The following SEMA3A variants were observed in gnomAD, a reference collection of about 807,000 sequenced individuals.
The protein encoded by SEMA3A is semaphorin-3A.
A neutral mutation model predicts 97.9 loss-of-function variants in SEMA3A; 29 were observed. That is an observed-to-expected ratio of 0.30 (90% CI 0.22 to 0.40). The LOEUF is 0.40. Among genes scored for constraint, SEMA3A ranks in the 10% least tolerant of loss-of-function variants. The pLI, the probability that SEMA3A is intolerant of heterozygous loss-of-function variation, is 1.00. For synonymous variants in SEMA3A, 321 were observed against 323.7 expected (o/e 0.99, Z 0.09); for missense variants, 763 against 951.3 (o/e 0.80, Z 2.60).
rs565336790 is a variant in SEMA3A, at chr7:84,239,239, C to G, written c.-82-44571G>C. On this transcript the variant is annotated intron_variant, in intron 3 of 3. Coordinates refer to the SEMA3A transcript ENST00000424555. ...AAAAAATTAATAGTTTTTTAATTAT[C>G]TACTTATTCAAAAGTTTAATTCTCA... 2.0e-5 allele frequency among the ~76,000 whole-genome samples: 3 copies of G among 152,218 alleles called. No individual in the cohort carries two copies. In the East Asian group the frequency reaches 5.8e-4, roughly 29 times the overall value.
At chr7:84,408,403 G>T (rs1804164679) in intron 1 of SEMA3A, among the ~76,000 whole-genome samples, 1 of 151,734 alleles carries the variant, frequency 6.6e-6, no homozygotes, top group African/African-American at 2.4e-5. Context: ...ACAGGTGCTG[G>T]AGAGGATGTG....
At chr7:83,980,615 A>AAACAAAC (rs1554383419) in intron 14 of SEMA3A, among the ~76,000 whole-genome samples, 1 of 82,652 alleles carries the variant, frequency 1.2e-5, no homozygotes, top group African/African-American at 5.1e-5. Flanking sequence ...AAAAAAAAAA[A>AAACAAAC]AAAAAAAAAT....
intron 11 of SEMA3A, among the ~76,000 whole-genome samples, chr7:84,003,822 G>A (rs1228674149): frequency 6.6e-6 from 1 of 150,474 alleles, no homozygotes; most frequent in East Asian, 2.0e-4. Flanking sequence ...ATGTTCTAAG[G>A]ATATTTATAA....
chr7:84,322,046 A>G (rs557113981), intron 2 of SEMA3A, among the ~76,000 whole-genome samples: 2 of 151,912 alleles, frequency 1.3e-5, no homozygotes, highest in Admixed American at 6.6e-5. Context: ...GGGTGGCAGG[A>G]TGGAGAATGA....
intron 12 of SEMA3A, among the ~76,000 whole-genome samples, chr7:83,987,897 T>A (rs1382957561): frequency 6.6e-6 from 1 of 152,220 alleles, no homozygotes; most frequent in African/African-American, 2.4e-5. Flanking sequence ...CCCTGCTCAA[T>A]CCACTGAGTC....
intron 1 of SEMA3A, among the ~76,000 whole-genome samples, chr7:84,156,638 G>A (rs1384852482): frequency 6.6e-6 from 1 of 152,078 alleles, no homozygotes; most frequent in African/African-American, 2.4e-5. Context: ...TTGTATGCAT[G>A]CGAGTCTGTA....
intron 3 of SEMA3A, among the ~76,000 whole-genome samples, chr7:84,277,019 T>G (rs11982998): frequency 0.017 from 2,651 of 152,192 alleles, 78 homozygotes; most frequent in African/African-American, 0.061. Flanking sequence ...TGGCTTTACA[T>G]GTACCTAAAT....
chr7:84,078,414 T>C (rs1794028673), intron 4 of SEMA3A, among the ~76,000 whole-genome samples: 1 of 152,138 alleles, frequency 6.6e-6, no homozygotes, highest in Non-Finnish European at 1.5e-5. Context: ...TTATATCACC[T>C]GCATGAGCAC....
chr7:84,208,406 CCTGCCACTGCAGTCCAGCCT>C (rs1798548760), intron 3 of SEMA3A, among the ~76,000 whole-genome samples: 2 of 54,540 alleles, frequency 3.7e-5, no homozygotes, highest in Non-Finnish European at 1.1e-4. Context: ...GAGCCGAGAT[CCTGCCACTGCAGTCCAGCCT>C]GGGTGACAGA....
At chr7:84,332,878 T>G (rs1801941223) in intron 2 of SEMA3A, among the ~76,000 whole-genome samples, 1 of 152,142 alleles carries the variant, frequency 6.6e-6, no homozygotes. Context: ...TACATACATA[T>G]TATCAAGGTA....
rs57372121 is a variant in SEMA3A at position 84,343,537 on chromosome 7, G to T, written c.-169+28287C>A. Among the ~76,000 whole-genome samples the T allele has an allele frequency of 0.011, 1,603 of 152,268 alleles. 45 individuals carry two copies. In the East Asian group the frequency reaches 0.11, roughly 11 times the overall value. ...CTAAAACTAAATACTGAGTGACTAT[G>T]GAATCCTACTTCAAATTCTGCCAAA... is the stretch of plus-strand genomic sequence containing the variant. On this transcript the variant is annotated intron_variant, in intron 2 of 3. Coordinates refer to the SEMA3A transcript ENST00000424555.
intron 1 of SEMA3A, among the ~76,000 whole-genome samples, chr7:84,141,291 T>A (rs1174057272): frequency 6.6e-6 from 1 of 152,098 alleles, no homozygotes; most frequent in Non-Finnish European, 1.5e-5. Flanking sequence ...TTGACTAGTC[T>A]CTCCAGCCTG....
At chr7:84,216,685 T>G (rs1255659363) in intron 3 of SEMA3A, among the ~76,000 whole-genome samples, 1 of 152,110 alleles carries the variant, frequency 6.6e-6, no homozygotes, top group Non-Finnish European at 1.5e-5. Context: ...CATGGGAGTC[T>G]CTGGCTTTGT....
rs376148779 is a variant in SEMA3A at position 83,980,639 on chromosome 7, T to TATACAC, written c.1652+681_1652+682insGTGTAT. On this transcript the variant is annotated intron_variant, in intron 14 of 16. Transcript: ENST00000265362. ...AAAAAAAAAAATATATATATATATA[T>TATACAC]ACACACACACACACATATACATATA... Among the ~76,000 whole-genome samples the TATACAC allele has an allele frequency of 1.5e-3, 129 of 88,420 alleles. 2 individuals are homozygous for TATACAC. Among genetic ancestry groups the TATACAC allele is most frequent in the South Asian group, 2.6e-3 (7 of 2,734 alleles). 58.0% of individuals were successfully genotyped at this position (88,420 alleles called of 152,430 possible).
intron 1 of SEMA3A, among the ~76,000 whole-genome samples, chr7:84,436,798 T>C (rs1263368633): frequency 1.3e-5 from 2 of 152,168 alleles, no homozygotes; most frequent in Non-Finnish European, 2.9e-5. Flanking sequence ...GTGCAAAAAG[T>C]AAATACATTT....
intron 4 of SEMA3A, among the ~76,000 whole-genome samples, chr7:84,100,540 C>T (rs1198771961): frequency 2.6e-5 from 4 of 152,010 alleles, no homozygotes; most frequent in Non-Finnish European, 5.9e-5. Flanking sequence ...ATATATTCAC[C>T]GTTCAATCAA....
At chr7:84,075,697 T>C (rs1403552151) in intron 4 of SEMA3A, among the ~76,000 whole-genome samples, 1 of 152,154 alleles carries the variant, frequency 6.6e-6, no homozygotes, top group African/African-American at 2.4e-5. Context: ...CCTCAAGTGA[T>C]CTGCCCACCT....
At chr7:84,086,471 GTAT>G (rs1178017869) in intron 4 of SEMA3A, among the ~76,000 whole-genome samples, 23 of 13,020 alleles carry the variant, frequency 1.8e-3, no homozygotes, top group South Asian at 0.016. Flanking sequence ...TATATAATAT[GTAT>G]TATTATATTA....
intron 3 of SEMA3A, among the ~76,000 whole-genome samples, chr7:84,227,142 A>C (rs1021656809): frequency 2.6e-5 from 4 of 151,670 alleles, no homozygotes; most frequent in Non-Finnish European, 5.9e-5. Context: ...ATCTATATAG[A>C]TATCTATATA....
Sources: gnomAD v4.1 joint callset for allele counts (sites outside exome capture counted in the v4.1 genomes callset) on GRCh38, gnomAD v4.1.1 for gene constraint, MANE v1.5 for transcripts, NCBI Gene and HGNC (gene_info 2026-07-23, HGNC 2026-07-21) for gene names.